LURAP1L: variants seen among roughly 807,000 people sequenced by gnomAD.
The protein encoded by LURAP1L is leucine rich adaptor protein 1 like.
In LURAP1L, 12 loss-of-function variants were observed where a neutral mutation model predicts 13.8. The ratio of observed to expected loss-of-function variants is 0.87; its 90% confidence interval spans 0.56 to 1.41. The LOEUF (loss-of-function observed/expected upper bound fraction) is 1.41, where lower values mean the gene tolerates loss of function less well. Among genes scored for constraint, LURAP1L ranks in the 40% most tolerant of loss-of-function variants. LURAP1L has a pLI of 0.00. For synonymous variants in LURAP1L, 139 were observed against 119.2 expected, an observed-to-expected ratio of 1.17 and a Z score of -1.08; for missense variants, 375 against 292.9, an observed-to-expected ratio of 1.28 and a Z score of -2.04.
At chr9:12,814,095 A>ATG (rs1220138580) in intron 1 of LURAP1L, among the ~76,000 whole-genome samples, 3 of 152,100 alleles carry the variant, frequency 2.0e-5, no homozygotes, top group Non-Finnish European at 2.9e-5. Context: ...ATATGCATGC[A>ATG]TGTGTGTGTG....
chr9:12,779,527 C>G (rs1819240678), intron 1 of LURAP1L, among the ~76,000 whole-genome samples: 2 of 152,120 alleles, frequency 1.3e-5, no homozygotes, highest in Admixed American at 6.5e-5. Context: ...GCCACGGCCT[C>G]TCAAAGTGCT....
At chr9:12,776,494 T>C (rs924531081) in intron 1 of LURAP1L, among the ~76,000 whole-genome samples, 7 of 152,020 alleles carry the variant, frequency 4.6e-5, no homozygotes, top group African/African-American at 1.7e-4. Flanking sequence ...GCAGGGTCCT[T>C]GCAGCCTTTC....
intron 1 of LURAP1L, among the ~76,000 whole-genome samples, chr9:12,817,375 G>T (rs1183590651): frequency 6.6e-6 from 1 of 152,180 alleles, no homozygotes; most frequent in East Asian, 1.9e-4. Flanking sequence ...TTGGCATAGA[G>T]TGGTGACCAG....
rs1819153743 is a variant in LURAP1L at position 12,775,415 on chromosome 9, T to C, written c.-301T>C. On this transcript the variant is annotated 5_prime_UTR_variant, in exon 1 of 2. Transcript: ENST00000319264. ...CTCTTTATTCCCCCTCTGTCTGCAA[T>C]ATCAGTGAACTCAACTTTGCAGTGA... 2 of 353,622 alleles carry C rather than the reference T, an allele frequency of 5.7e-6. No individual in the cohort carries two copies. Among genetic ancestry groups the C allele is most frequent in the Non-Finnish European group, 1.0e-5 (2 of 199,608 alleles). The allele number at this position is 353,622 out of a possible 1,614,324, so 21.9% of individuals were successfully genotyped here.
intron 1 of LURAP1L, among the ~76,000 whole-genome samples, chr9:12,803,498 A>C (rs770231008): frequency 1.3e-4 from 20 of 152,208 alleles, no homozygotes; most frequent in Non-Finnish European, 2.8e-4. Context: ...GGTGTAAATA[A>C]ATACAAAACA....
chr9:12,812,261 G>T (rs1441799794), intron 1 of LURAP1L, among the ~76,000 whole-genome samples: 1 of 152,170 alleles, frequency 6.6e-6, no homozygotes, highest in Non-Finnish European at 1.5e-5. Context: ...CTTTGAGACT[G>T]CCTACCACAA....
intron 1 of LURAP1L, among the ~76,000 whole-genome samples, chr9:12,801,387 A>T (rs1054141176): frequency 1.3e-5 from 2 of 151,986 alleles, no homozygotes; most frequent in African/African-American, 2.4e-5. Context: ...AGAGAAGTAC[A>T]TCTTAGGAAT....
In LURAP1L at chr9:12,775,413, A is replaced by T. The variant is rs1819153640; in HGVS notation, c.-303A>T. 1 of 346,978 alleles carries T rather than the reference A, an allele frequency of 2.9e-6. No individual in the cohort carries two copies. Among genetic ancestry groups the T allele is most frequent in the South Asian group, 9.0e-5 (1 of 11,092 alleles). 21.5% of individuals were successfully genotyped at this position (346,978 alleles called of 1,614,324 possible). A position where few individuals can be genotyped will look rare whatever the true frequency, so the allele number is the denominator to read the frequency against. On this transcript the variant is annotated 5_prime_UTR_variant, in exon 1 of 2. Transcript: ENST00000319264. Reference sequence around the variant, plus strand: ...CCCTCTTTATTCCCCCTCTGTCTGCAATATCAGTGAACTCAACTTTGCAGT... The same window carrying T: ...CCCTCTTTATTCCCCCTCTGTCTGCTATATCAGTGAACTCAACTTTGCAGT...
At chr9:12,805,737 G>A (rs1586884066) in intron 1 of LURAP1L, among the ~76,000 whole-genome samples, 1 of 152,274 alleles carries the variant, frequency 6.6e-6, no homozygotes, top group South Asian at 2.1e-4. Context: ...TATAGATTAT[G>A]TGACCTCTAC....
chr9:12,811,018 T>C (rs1819728683), intron 1 of LURAP1L, among the ~76,000 whole-genome samples: 1 of 152,216 alleles, frequency 6.6e-6, no homozygotes, highest in Non-Finnish European at 1.5e-5. Context: ...CAAAGGGCCA[T>C]TGTACAGGTC....
chr9:12,798,409 A>G (rs1819538250), intron 1 of LURAP1L, among the ~76,000 whole-genome samples: 3 of 152,236 alleles, frequency 2.0e-5, no homozygotes, highest in Admixed American at 6.5e-5. Flanking sequence ...TACAAGTTGT[A>G]TATTTTAATA....
intron 1 of LURAP1L, among the ~76,000 whole-genome samples, chr9:12,820,721 A>G (rs974378967): frequency 5.9e-5 from 9 of 152,106 alleles, no homozygotes; most frequent in Non-Finnish European, 1.0e-4. Flanking sequence ...TATTAGAGCA[A>G]TTTGGTTCTT....
rs577032806 is a variant in LURAP1L, at chr9:12,775,485, T to C, written c.-231T>C. 3.7e-6 allele frequency: 2 copies of C among 534,884 alleles called. No individual in the cohort carries two copies. Among genetic ancestry groups the C allele is most frequent in the Admixed American group, 7.8e-5 (2 of 25,608 alleles). The allele number at this position is 534,884 out of a possible 1,614,324, so 33.1% of individuals were successfully genotyped here. ...AATGAGGAGATCTTGATCATCTTAGTGTCGGAGGAGTCGCAGCGGACTGGG... is the reference window on the plus strand; with the variant it reads ...AATGAGGAGATCTTGATCATCTTAGCGTCGGAGGAGTCGCAGCGGACTGGG... On this transcript the variant is annotated 5_prime_UTR_variant, in exon 1 of 2. Coordinates refer to ENST00000319264, the MANE Select transcript of LURAP1L (RefSeq NM_203403.2).
chr9:12,789,090 C>CAA (rs60051757), intron 1 of LURAP1L, among the ~76,000 whole-genome samples: 5 of 137,022 alleles, frequency 3.6e-5, no homozygotes, highest in Admixed American at 7.3e-5. Context: ...AGCACCCCCC[C>CAA]AAAAAAAAAA....
intron 1 of LURAP1L, among the ~76,000 whole-genome samples, chr9:12,819,165 G>A (rs2118553912): frequency 6.6e-6 from 1 of 152,256 alleles, no homozygotes; most frequent in Non-Finnish European, 1.5e-5. Context: ...TTCTGTTCAT[G>A]AACGTCTCAG....
At chr9:12,784,777 G>A (rs894906512) in intron 1 of LURAP1L, among the ~76,000 whole-genome samples, 1 of 151,880 alleles carries the variant, frequency 6.6e-6, no homozygotes, top group Non-Finnish European at 1.5e-5. Context: ...TTCCCTTCAA[G>A]GTGGTGAGTT....
chr9:12,778,963 G>A (rs1021249152), intron 1 of LURAP1L, among the ~76,000 whole-genome samples: 5 of 152,270 alleles, frequency 3.3e-5, no homozygotes, highest in Admixed American at 6.5e-5. Flanking sequence ...AGTCCTATGC[G>A]TACGTACCTA....
intron 1 of LURAP1L, chr9:12,777,311 C>T: frequency 1.0e-6 from 1 of 985,364 alleles, no homozygotes; most frequent in Non-Finnish European, 1.2e-6. Flanking sequence ...GAAAAGATGA[C>T]AAACCAACAG....
chr9:12,776,155 G>C (rs1422726720), intron 1 of LURAP1L, 128 bp downstream of exon 1: 1 of 955,066 alleles, frequency 1.0e-6, no homozygotes, highest in East Asian at 2.6e-5. Context: ...CGTGGGAAAT[G>C]CTGGGTGGAG....
Sources: allele counts gnomAD v4.1 joint callset (sites outside exome capture counted in the v4.1 genomes callset), GRCh38; gene constraint gnomAD v4.1.1; transcripts MANE v1.5; gene names NCBI Gene and HGNC (gene_info 2026-07-23, HGNC 2026-07-21).